Variants in CASP10 observed in about 807,000 individuals in gnomAD.
CASP10 encodes caspase-10.
CASP10 carries 41 observed loss-of-function variants against 48.5 expected under a neutral mutation model. The observed-to-expected ratio is 0.85, with a 90% CI of 0.66 to 1.10. CASP10 has a LOEUF of 1.10. Ranked by LOEUF, CASP10 falls within the 50% of genes least tolerant of loss-of-function variation. The probability of loss-of-function intolerance (pLI) is 0.00; values close to 1 mark genes in which losing one functional copy is unlikely to be tolerated. For synonymous variants in CASP10, 232 were observed against 238.4 expected (o/e 0.97, Z 0.25); for missense variants, 614 against 614.5 (o/e 1.00, Z 0.01).
At chr2:201,192,936 T>C (rs1047167545) in intron 3 of CASP10, 48 bp from the exon 4 acceptor site, 1 of 1,597,518 alleles carries the variant, frequency 6.3e-7, no homozygotes, top group East Asian at 2.2e-5. Context: ...TTTGAGTGAG[T>C]GGATAATCAA....
At chr2:201,226,966 C>G (rs1214751552) in intron 9 of CASP10, among the ~76,000 whole-genome samples, 1 of 151,934 alleles carries the variant, frequency 6.6e-6, no homozygotes, top group Non-Finnish European at 1.5e-5. Flanking sequence ...TTAAAATACA[C>G]ATAAGAGTCT....
chr2:201,200,328 C>G, intron 5 of CASP10: 1 of 899,892 alleles, frequency 1.1e-6, no homozygotes, highest in South Asian at 1.5e-5. Flanking sequence ...TTGTGTGATC[C>G]AGCATTTACT....
chr2:201,194,006 G>T (rs1351514236), intron 4 of CASP10, among the ~76,000 whole-genome samples: 2 of 151,948 alleles, frequency 1.3e-5, no homozygotes, highest in Non-Finnish European at 2.9e-5. Flanking sequence ...TATACATGTG[G>T]CTATTATGGC....
At chr2:201,208,289 GGAT>G in intron 8 of CASP10, 106 bp downstream of exon 8, 2 of 1,459,912 alleles carry the variant, frequency 1.4e-6, no homozygotes, top group Non-Finnish European at 9.0e-7. Flanking sequence ...ATACGTGTAA[GGAT>G]GATATCATGT....
In CASP10 at chr2:201,219,705, C is replaced by CTTT. The variant is rs111572089; in HGVS notation, c.*1980_*1982dup. The CTTT allele has an allele frequency of 4.5e-5, 39 of 862,162 alleles. No homozygotes were observed. In the African/African-American group the frequency reaches 5.4e-4, roughly 12 times the overall value. The allele number at this position is 862,162 out of a possible 1,614,324, so 53.4% of individuals were successfully genotyped here. ...TTTTGAGCATTTTTACGTACTTGAG[C>CTTT]TTTTTTTTTTTTTTTTTTCAATTTC... On this transcript the variant is annotated 3_prime_UTR_variant, in exon 10 of 10. Coordinates refer to ENST00000286186, the MANE Select transcript of CASP10 (RefSeq NM_032977.4).
At position 201,219,705 on chromosome 2, in the gene CASP10, C is replaced by CT. The variant is rs111572089; in HGVS notation, c.*1982dup. The CT allele has an allele frequency of 0.064, 54,324 of 849,444 alleles. 350 individuals carry two copies. The highest frequency in any genetic ancestry group is 0.15 in the African/African-American group (6,486 of 43,892). 52.6% of individuals were successfully genotyped at this position (849,444 alleles called of 1,614,324 possible). A position where few individuals can be genotyped will look rare whatever the true frequency, so the allele number is the denominator to read the frequency against. ...TTTTGAGCATTTTTACGTACTTGAG[C>CT]TTTTTTTTTTTTTTTTTTCAATTTC... On this transcript the variant is annotated 3_prime_UTR_variant, in exon 10 of 10. Coordinates refer to ENST00000286186, the MANE Select transcript of CASP10 (RefSeq NM_032977.4).
In CASP10 at chr2:201,219,963, A is replaced by G; in HGVS notation, c.*2222A>G. The G allele has an allele frequency of 1.0e-6, 1 of 985,422 alleles. No homozygotes were observed. Among genetic ancestry groups the G allele is most frequent in the Non-Finnish European group, 1.2e-6 (1 of 829,924 alleles). 61.0% of individuals were successfully genotyped at this position (985,422 alleles called of 1,614,324 possible). On this transcript the variant is annotated 3_prime_UTR_variant, in exon 10 of 10. Transcript: ENST00000286186. ...GGGCATTAGGAGTGTTTCATTTGAT[A>G]TGTGAATGCTCATAAAAAAATGTCA...
At chr2:201,224,120 C>T (rs570689783), downstream of CASP10, among the ~76,000 whole-genome samples, 3 of 152,122 alleles carry the variant, frequency 2.0e-5, no homozygotes, top group Non-Finnish European at 4.4e-5. Context: ...TATGGGCGCC[C>T]GCTACCACGC....
chr2:201,203,888 A>C (rs568310803), intron 6 of CASP10, 122 bp downstream of exon 6: 7 of 833,688 alleles, frequency 8.4e-6, no homozygotes, highest in African/African-American at 6.8e-5. Flanking sequence ...TGAATAATTC[A>C]TTTTTTATTC....
intron 9 of CASP10, among the ~76,000 whole-genome samples, chr2:201,211,258 C>G (rs13426767): frequency 0.06 from 9,156 of 152,220 alleles, 892 homozygotes; most frequent in African/African-American, 0.21. Context: ...ATTATATGCT[C>G]AAACCACAGT....
In CASP10 at chr2:201,207,011, AT is replaced by A. The variant is rs41414348; in HGVS notation, c.813+1042del. ...TCCAGCCAAACCAGGTGAAGTCTGAATTTTAATCAGGATCTGGCATTTCACC... is the reference window on the plus strand; with the variant it reads ...TCCAGCCAAACCAGGTGAAGTCTGAATTTAATCAGGATCTGGCATTTCACC... On this transcript the variant is annotated intron_variant, in intron 7 of 9. Coordinates refer to ENST00000286186, the MANE Select transcript of CASP10 (RefSeq NM_032977.4). Among the ~76,000 whole-genome samples the A allele has an allele frequency of 6.7e-3, 1,025 of 152,284 alleles. 9 individuals carry two copies. Among genetic ancestry groups the A allele is most frequent in the African/African-American group, 0.023 (936 of 41,572 alleles).
At chr2:201,209,867 A>G (rs914399480) in intron 9 of CASP10, among the ~76,000 whole-genome samples, 1 of 152,230 alleles carries the variant, frequency 6.6e-6, no homozygotes. Context: ...AAAAAAAGAC[A>G]GAGTCCTTGC....
chr2:201,190,782 A>G (rs920098916), intron 3 of CASP10, among the ~76,000 whole-genome samples: 3 of 151,104 alleles, frequency 2.0e-5, no homozygotes, highest in Non-Finnish European at 4.4e-5. Context: ...AAAGCTGGAA[A>G]ATGTTTTTTT....
Position 201,220,756 on chromosome 2 carries a change from T to A in CASP10, c.*3015T>A. 1 of 985,280 alleles carries A rather than the reference T, an allele frequency of 1.0e-6. No homozygotes were observed. The highest frequency in any genetic ancestry group is 1.2e-6 in the Non-Finnish European group (1 of 829,916). The allele number at this position is 985,280 out of a possible 1,614,324, so 61.0% of individuals were successfully genotyped here. A position where few individuals can be genotyped will look rare whatever the true frequency, so the allele number is the denominator to read the frequency against. ...AATTCTTACACATGTGTCAGGATGA[T>A]CTCCCAAAACCGTGTTCATAACAGT... On this transcript the variant is annotated 3_prime_UTR_variant, in exon 10 of 10. Transcript: ENST00000286186.
rs1158814709 is a variant in CASP10 at position 201,219,566 on chromosome 2, G to C, written c.*1825G>C. On this transcript the variant is annotated 3_prime_UTR_variant, in exon 10 of 10. Transcript: ENST00000286186. Reference sequence around the variant, plus strand: ...CCCAAGGCATGAGGAGAGAGGCTGTGTCAGAAACTGAAGCTGTTCTCAGGA... The same window carrying C: ...CCCAAGGCATGAGGAGAGAGGCTGTCTCAGAAACTGAAGCTGTTCTCAGGA... 20 of 985,404 alleles carry C rather than the reference G, an allele frequency of 2.0e-5. No homozygotes were observed. The highest frequency in any genetic ancestry group is 2.4e-5 in the Non-Finnish European group (20 of 830,022). 61.0% of individuals were successfully genotyped at this position (985,404 alleles called of 1,614,324 possible). A position where few individuals can be genotyped will look rare whatever the true frequency, so the allele number is the denominator to read the frequency against.
chr2:201,191,504 G>A (rs1157768519), intron 3 of CASP10, among the ~76,000 whole-genome samples: 1 of 152,134 alleles, frequency 6.6e-6, no homozygotes, highest in Non-Finnish European at 1.5e-5. Flanking sequence ...ACCAGCCTTT[G>A]GAAGTGTGTA....
chr2:201,208,172 A>C lies in CASP10; in HGVS notation c.911A>C (p.His304Pro). Reference protein sequence around the residue: ...FTSLKDRQGTHKDAEILSHVF... With the variant: ...FTSLKDRQGTPKDAEILSHVF... ...TCCCTGAAGGACAGACAAGGAACCC[A>C]TAAAGATGCTGGTAAGAAAGTCTGG... Residue 304 changes from histidine (H) to proline (P), a missense_variant, in exon 8 of 10, where the codon CAT becomes CCT. His to Pro is a moderately conservative substitution (Grantham distance 77). Coordinates refer to ENST00000286186, the MANE Select transcript of CASP10 (RefSeq NM_032977.4). The C allele has an allele frequency of 6.2e-7, 1 of 1,612,834 alleles. No homozygotes were observed. Among genetic ancestry groups the C allele is most frequent in the Non-Finnish European group, 8.5e-7 (1 of 1,179,546 alleles).
chr2:201,203,804 G>C, intron 6 of CASP10, 38 bp downstream of exon 6: 6 of 1,513,990 alleles, frequency 4.0e-6, no homozygotes, highest in Non-Finnish European at 5.5e-6. Context: ...ACTTAGATCG[G>C]TATGGTAGGG....
chr2:201,204,014 A>G, intron 6 of CASP10, among the ~76,000 whole-genome samples: 1 of 152,168 alleles, frequency 6.6e-6, no homozygotes, highest in African/African-American at 2.4e-5. Context: ...TAGGGACTGC[A>G]GGCGGCTGTT....
Sources: gnomAD v4.1 joint callset for allele counts (sites outside exome capture counted in the v4.1 genomes callset) on GRCh38, gnomAD v4.1.1 for gene constraint, MANE v1.5 for transcripts, NCBI Gene and HGNC (gene_info 2026-07-23, HGNC 2026-07-21) for gene names.